Variants in COL25A1 observed in about 807,000 individuals in gnomAD.
COL25A1 encodes collagen type XXV alpha 1 chain.
Under a neutral mutation model 128.4 loss-of-function variants are expected in COL25A1, and 103 were observed. The ratio of observed to expected loss-of-function variants is 0.80; its 90% CI spans 0.68 to 0.94. The LOEUF (loss-of-function observed/expected upper bound fraction) is 0.94, where lower values mean the gene tolerates loss of function less well. Among genes scored for constraint, COL25A1 ranks in the 40% least tolerant of loss-of-function variants. The probability of loss-of-function intolerance (pLI) is 0.00; values close to 1 mark genes in which losing one functional copy is unlikely to be tolerated. For missense variants in COL25A1, 745 were observed against 840.0 expected (o/e 0.89, Z 1.40); for synonymous variants, 279 against 277.2 (o/e 1.01, Z -0.06).
chr4:109,138,242 T>C (rs1770003813), intron 3 of COL25A1, among the ~76,000 whole-genome samples: 1 of 152,158 alleles, frequency 6.6e-6, no homozygotes, highest in Non-Finnish European at 1.5e-5. Context: ...TGGTGTTTGG[T>C]TTTTTGTTCC....
chr4:108,817,563 C>T, intron 36 of COL25A1, 128 bp from the exon 37 acceptor site: 1 of 695,216 alleles, frequency 1.4e-6, no homozygotes, highest in Admixed American at 2.7e-5. Flanking sequence ...GCATCTTTTA[C>T]TAATTAGCAA....
intron 3 of COL25A1, among the ~76,000 whole-genome samples, chr4:109,291,286 T>A (rs1373640671): frequency 6.6e-6 from 1 of 152,174 alleles, no homozygotes. Flanking sequence ...ATACTTTCTA[T>A]GTGAAATGTA....
chr4:109,114,431 C>CAA (rs2126043347), intron 3 of COL25A1, among the ~76,000 whole-genome samples: 1 of 151,968 alleles, frequency 6.6e-6, no homozygotes, highest in East Asian at 1.9e-4. Flanking sequence ...ATGACAGAAT[C>CAA]AAAAAGAGCC....
intron 6 of COL25A1, among the ~76,000 whole-genome samples, chr4:108,996,579 C>A (rs529475488): frequency 6.6e-6 from 1 of 152,126 alleles, no homozygotes; most frequent in East Asian, 1.9e-4. Context: ...AGAAGGTTAA[C>A]AAGGATACCC....
chr4:109,230,819 A>T (rs1380530439), intron 3 of COL25A1, among the ~76,000 whole-genome samples: 1 of 152,234 alleles, frequency 6.6e-6, no homozygotes, highest in Non-Finnish European at 1.5e-5. Context: ...ATAAAAATTC[A>T]ATCTGCAAGG....
At chr4:109,169,063 C>T (rs1394289752) in intron 3 of COL25A1, among the ~76,000 whole-genome samples, 1 of 152,136 alleles carries the variant, frequency 6.6e-6, no homozygotes, top group African/African-American at 2.4e-5. Context: ...ATGTGCCCCA[C>T]ACTCTACGGT....
intron 3 of COL25A1, among the ~76,000 whole-genome samples, chr4:109,163,806 T>C (rs1235070169): frequency 2.0e-5 from 3 of 152,198 alleles, no homozygotes. Context: ...TTCTGATCTG[T>C]TGCAATGCAC....
chr4:109,158,691 G>A (rs1488115193), intron 3 of COL25A1, among the ~76,000 whole-genome samples: 1 of 152,186 alleles, frequency 6.6e-6, no homozygotes, highest in Non-Finnish European at 1.5e-5. Context: ...ACATGGTACT[G>A]TGCCTCAGTG....
chr4:109,182,506 TGTAA>T (rs1774754013), intron 3 of COL25A1, among the ~76,000 whole-genome samples: 1 of 152,098 alleles, frequency 6.6e-6, no homozygotes, highest in Non-Finnish European at 1.5e-5. Context: ...TTTAAAAATA[TGTAA>T]GTGTTTAAAA....
intron 3 of COL25A1, among the ~76,000 whole-genome samples, chr4:109,232,772 A>G (rs1553964272): frequency 6.6e-6 from 1 of 152,166 alleles, no homozygotes; most frequent in Non-Finnish European, 1.5e-5. Flanking sequence ...TAAAATAGCT[A>G]CAACTGGATC....
At chr4:109,077,345 C>A in intron 3 of COL25A1, among the ~76,000 whole-genome samples, 1 of 152,150 alleles carries the variant, frequency 6.6e-6, no homozygotes, top group East Asian at 1.9e-4. Context: ...GATAAACTAT[C>A]AGCTTGTGGA....
At chr4:108,945,730 C>T (rs1748658179) in intron 8 of COL25A1, among the ~76,000 whole-genome samples, 1 of 152,128 alleles carries the variant, frequency 6.6e-6, no homozygotes, top group Non-Finnish European at 1.5e-5. Context: ...GTGGCGCGAT[C>T]TCGGCTCACT....
intron 3 of COL25A1, among the ~76,000 whole-genome samples, chr4:109,062,974 T>C (rs955504724): frequency 1.3e-5 from 2 of 152,228 alleles, no homozygotes; most frequent in African/African-American, 4.8e-5. Flanking sequence ...AGTCAAAGAA[T>C]AGCCATGAGT....
chr4:109,254,509 A>ATATATG lies in COL25A1; in HGVS notation c.367+46073_367+46074insCATATA, dbSNP rs59126671. ...TATATATATATATATATATATATGT[A>ATATATG]TGTGTGTATATACATATACATATAT... On this transcript the variant is annotated intron_variant, in intron 3 of 37. Transcript: ENST00000399132. 7.5e-4 allele frequency among the ~76,000 whole-genome samples: 78 copies of ATATATG among 104,506 alleles called. 3 individuals carry two copies. Among genetic ancestry groups the ATATATG allele is most frequent in the African/African-American group, 2.7e-3 (73 of 27,002 alleles). 68.6% of individuals were successfully genotyped at this position (104,506 alleles called of 152,430 possible).
intron 3 of COL25A1, among the ~76,000 whole-genome samples, chr4:109,218,720 A>C (rs565248522): frequency 6.6e-6 from 1 of 152,080 alleles, no homozygotes; most frequent in South Asian, 2.1e-4. Flanking sequence ...CATAAAATTC[A>C]CCCTTTGAAC....
chr4:109,021,365 C>T (rs1183789307), intron 5 of COL25A1, among the ~76,000 whole-genome samples: 1 of 152,188 alleles, frequency 6.6e-6, no homozygotes, highest in Non-Finnish European at 1.5e-5. Flanking sequence ...GGCAGAGGAA[C>T]ATAAATTGTG....
chr4:108,894,038 A>G (rs572613067), intron 16 of COL25A1, among the ~76,000 whole-genome samples: 101 of 152,310 alleles, frequency 6.6e-4, no homozygotes, highest in African/African-American at 1.9e-3. Context: ...AAAAAAGAAT[A>G]ACAATCTAGT....
At chr4:109,048,481 A>G (rs944044878) in intron 4 of COL25A1, among the ~76,000 whole-genome samples, 2 of 152,212 alleles carry the variant, frequency 1.3e-5, no homozygotes, top group Non-Finnish European at 2.9e-5. Context: ...ATAAAAGTTT[A>G]GAGAAGTATG....
intron 3 of COL25A1, among the ~76,000 whole-genome samples, chr4:109,253,488 C>T (rs548439904): frequency 8.5e-5 from 13 of 152,226 alleles, no homozygotes; most frequent in Non-Finnish European, 1.0e-4. Context: ...CCACCCACAT[C>T]GGGGAAGGCC....
Sources: gnomAD v4.1 joint callset for allele counts (sites outside exome capture counted in the v4.1 genomes callset) on GRCh38, gnomAD v4.1.1 for gene constraint, MANE v1.5 for transcripts, NCBI Gene and HGNC (gene_info 2026-07-23, HGNC 2026-07-21) for gene names.